Variants in PCDH15 observed in about 807,000 individuals in gnomAD.
PCDH15 encodes the protein protocadherin related 15.
Under a neutral mutation model 178.5 loss-of-function variants are expected in PCDH15, and 129 were observed. The ratio of observed to expected loss-of-function variants is 0.72; its 90% CI spans 0.63 to 0.84. The LOEUF (loss-of-function observed/expected upper bound fraction) is 0.84, where lower values mean the gene tolerates loss of function less well. Ranked by LOEUF, PCDH15 falls within the 40% of genes least tolerant of loss-of-function variation. PCDH15 has a pLI of 0.00. For missense variants in PCDH15, 2,230 were observed against 2,099.9 expected, an observed-to-expected ratio of 1.06 and a Z score of -1.21; for synonymous variants, 800 against 732.0, an observed-to-expected ratio of 1.09 and a Z score of -1.50.
intron 2 of PCDH15, among the ~76,000 whole-genome samples, chr10:54,903,993 TA>T (rs1320192199): frequency 1.3e-5 from 2 of 152,062 alleles, no homozygotes; most frequent in African/African-American, 4.8e-5. Flanking sequence ...ATGGCACAAA[TA>T]ACTGCCTTTT....
At chr10:55,304,565 T>A (rs1205363956) in intron 1 of PCDH15, among the ~76,000 whole-genome samples, 1 of 152,152 alleles carries the variant, frequency 6.6e-6, no homozygotes, top group East Asian at 1.9e-4. Flanking sequence ...ATAATCTACT[T>A]TTGACTCACT....
Position 55,102,239 on chromosome 10 carries a change from G to A in PCDH15, c.-80+64337C>T, listed in dbSNP as rs116154136. Among the ~76,000 whole-genome samples, 1,244 of 151,884 alleles carry A rather than the reference G, an allele frequency of 8.2e-3. 15 individuals are homozygous for A. Among genetic ancestry groups the A allele is most frequent in the African/African-American group, 0.027 (1,123 of 41,476 alleles). On this transcript the variant is annotated intron_variant, in intron 2 of 5. Coordinates refer to the PCDH15 transcript ENST00000458638. The stretch of plus-strand genomic sequence containing the variant: ...TGAGGTTTTCTCTTTTCAAGTTCTT[G>A]GATATGAACTTTATATTTTCTCTGT...
chr10:53,840,636 C>G (rs1300395872), intron 28 of PCDH15, 140 bp from the exon 29 acceptor site: 1 of 793,342 alleles, frequency 1.3e-6, no homozygotes, highest in Non-Finnish European at 2.1e-6. Context: ...GAATATAAAC[C>G]CTTGAAAAAC....
At chr10:54,212,492 A>C (rs942190081) in intron 10 of PCDH15, among the ~76,000 whole-genome samples, 1 of 152,068 alleles carries the variant, frequency 6.6e-6, no homozygotes. Context: ...TTCAAACATC[A>C]TTTCCCACTT....
At chr10:54,544,437 C>G (rs1219185024) in intron 2 of PCDH15, among the ~76,000 whole-genome samples, 1 of 150,506 alleles carries the variant, frequency 6.6e-6, no homozygotes, top group Non-Finnish European at 1.5e-5. Context: ...ACATGTATAA[C>G]ATATGATGTG....
intron 2 of PCDH15, among the ~76,000 whole-genome samples, chr10:55,540,091 A>C (rs1841723601): frequency 6.6e-6 from 1 of 152,146 alleles, no homozygotes; most frequent in East Asian, 1.9e-4. Flanking sequence ...TATAAATTAC[A>C]GTAAAAAGCT....
At chr10:54,121,629 C>T (rs569090997) in intron 15 of PCDH15, among the ~76,000 whole-genome samples, 4 of 152,022 alleles carry the variant, frequency 2.6e-5, no homozygotes, top group East Asian at 1.9e-4. Context: ...ATGTCACAGC[C>T]GATCACACAG....
At chr10:54,740,924 T>C (rs546082644) in intron 1 of PCDH15, among the ~76,000 whole-genome samples, 2 of 151,838 alleles carry the variant, frequency 1.3e-5, no homozygotes, top group African/African-American at 2.4e-5. Flanking sequence ...AAAATATATA[T>C]AGATAGAAGG....
intron 8 of PCDH15, among the ~76,000 whole-genome samples, chr10:54,296,960 GC>G (rs2059834419): frequency 6.6e-6 from 1 of 152,146 alleles, no homozygotes; most frequent in Non-Finnish European, 1.5e-5. Flanking sequence ...ATTGGTAAGG[GC>G]CAATAATCCG....
chr10:53,916,490 C>T (rs1421897344), intron 25 of PCDH15, among the ~76,000 whole-genome samples: 2 of 148,990 alleles, frequency 1.3e-5, no homozygotes, highest in Non-Finnish European at 3.0e-5. Flanking sequence ...CATTTAAAAG[C>T]CTCTGCAACC....
At chr10:55,521,289 T>C (rs1841168906) in intron 2 of PCDH15, among the ~76,000 whole-genome samples, 1 of 152,042 alleles carries the variant, frequency 6.6e-6, no homozygotes, top group African/African-American at 2.4e-5. Context: ...GCACTGAATA[T>C]ACAGATGCTC....
chr10:54,169,704 TC>T (rs2046668832), intron 13 of PCDH15, among the ~76,000 whole-genome samples: 2 of 151,622 alleles, frequency 1.3e-5, no homozygotes, highest in African/African-American at 4.9e-5. Context: ...CCTTACCATC[TC>T]ATTAAAACCT....
chr10:53,877,278 A>G (rs908135949), intron 26 of PCDH15, among the ~76,000 whole-genome samples: 3 of 152,156 alleles, frequency 2.0e-5, no homozygotes, highest in Non-Finnish European at 4.4e-5. Flanking sequence ...TTTAAAATAA[A>G]CTCTGAGCTA....
chr10:54,404,231 A>G (rs1434115108), intron 3 of PCDH15, among the ~76,000 whole-genome samples: 1 of 151,936 alleles, frequency 6.6e-6, no homozygotes, highest in Non-Finnish European at 1.5e-5. Flanking sequence ...TAAGCAAAAA[A>G]TACAGAGCTG....
intron 1 of PCDH15, among the ~76,000 whole-genome samples, chr10:54,698,496 A>G (rs2095265280): frequency 1.3e-5 from 2 of 152,252 alleles, no homozygotes; most frequent in South Asian, 4.1e-4. Context: ...TATTTGCTAT[A>G]TCAGCCAGGG....
chr10:54,170,949 C>T (rs1405633433), intron 13 of PCDH15, among the ~76,000 whole-genome samples: 2 of 152,218 alleles, frequency 1.3e-5, no homozygotes, highest in East Asian at 1.9e-4. Context: ...ACATCAAGTT[C>T]GAGGATTTGC....
At chr10:55,592,287 AT>A (rs1335231549) in intron 2 of PCDH15, among the ~76,000 whole-genome samples, 1 of 152,136 alleles carries the variant, frequency 6.6e-6, no homozygotes, top group Non-Finnish European at 1.5e-5. Flanking sequence ...GGTTCAGCCA[AT>A]AAAAAGCAGG....
At chr10:55,408,539 C>A (rs1186891015) in intron 2 of PCDH15, among the ~76,000 whole-genome samples, 1 of 152,062 alleles carries the variant, frequency 6.6e-6, no homozygotes, top group Admixed American at 6.6e-5. Context: ...AAAACACAGG[C>A]TCAATTTGCT....
At chr10:54,234,842 T>C (rs2054463685) in intron 9 of PCDH15, among the ~76,000 whole-genome samples, 1 of 152,212 alleles carries the variant, frequency 6.6e-6, no homozygotes, top group Admixed American at 6.5e-5. Flanking sequence ...TCCATCACTG[T>C]GTCACTTTTC....
Sources: gnomAD v4.1 joint callset for allele counts (sites outside exome capture counted in the v4.1 genomes callset) on GRCh38, gnomAD v4.1.1 for gene constraint, MANE v1.5 for transcripts, NCBI Gene and HGNC (gene_info 2026-07-23, HGNC 2026-07-21) for gene names.